The following RFC3 variants were observed in gnomAD, a reference collection of about 807,000 sequenced individuals.
The protein encoded by RFC3 is replication factor C subunit 3.
A neutral mutation model predicts 45.1 loss-of-function variants in RFC3; 41 were observed. The ratio of observed to expected loss-of-function variants is 0.91; its 90% CI spans 0.71 to 1.18. RFC3 has a LOEUF of 1.18. Among genes scored for constraint, RFC3 ranks in the 50% most tolerant of loss-of-function variants. RFC3 has a pLI of 0.00. For synonymous variants in RFC3, 149 were observed against 144.0 expected, an observed-to-expected ratio of 1.03 and a Z score of -0.25; for missense variants, 423 against 428.1, an observed-to-expected ratio of 0.99 and a Z score of 0.10.
intron 4 of RFC3, among the ~76,000 whole-genome samples, chr13:33,828,717 G>A (rs2082074485): frequency 6.6e-6 from 1 of 152,128 alleles, no homozygotes; most frequent in African/African-American, 2.4e-5. Flanking sequence ...GTAGACATGG[G>A]GTTTTGCTAT....
chr13:33,903,853 T>G (rs1438165687), intron 8 of RFC3, among the ~76,000 whole-genome samples: 2 of 152,048 alleles, frequency 1.3e-5, no homozygotes, highest in African/African-American at 4.8e-5. Context: ...CTTCCAAGAC[T>G]GAAACAGAAA....
At chr13:33,906,854 G>A (rs144524495) in intron 8 of RFC3, among the ~76,000 whole-genome samples, 55 of 152,000 alleles carry the variant, frequency 3.6e-4, no homozygotes, top group Non-Finnish European at 7.2e-4. Flanking sequence ...CCAAAGAAGC[G>A]ATTTTGCTCT....
intron 8 of RFC3, among the ~76,000 whole-genome samples, chr13:33,912,704 T>G (rs955873650): frequency 1.3e-5 from 2 of 152,094 alleles, no homozygotes; most frequent in African/African-American, 4.8e-5. Context: ...CTATGAACGC[T>G]GTGGGATCAT....
intron 8 of RFC3, among the ~76,000 whole-genome samples, chr13:33,945,791 G>T (rs2082950747): frequency 6.6e-6 from 1 of 152,168 alleles, no homozygotes. Context: ...TAATGAGATG[G>T]TATATTCTTG....
chr13:33,943,099 A>G (rs2137808357), intron 8 of RFC3, among the ~76,000 whole-genome samples: 1 of 152,324 alleles, frequency 6.6e-6, no homozygotes, highest in South Asian at 2.1e-4. Flanking sequence ...CATGTGAACT[A>G]GTATGTTTAT....
the RFC3 span, among the ~76,000 whole-genome samples, chr13:33,977,032 A>G: frequency 4.3e-3 from 656 of 152,212 alleles, 6 homozygotes; most frequent in African/African-American, 0.015. Flanking sequence ...CACAATACCA[A>G]TGTAATCGTG....
intron 8 of RFC3, among the ~76,000 whole-genome samples, chr13:33,958,325 G>A (rs2083034702): frequency 6.6e-6 from 1 of 152,232 alleles, no homozygotes; most frequent in Non-Finnish European, 1.5e-5. Flanking sequence ...AGGGAGTACA[G>A]CTGTAGCTTT....
At position 33,922,551 on chromosome 13, in the gene RFC3, TC is replaced by T. The variant is rs541359162; in HGVS notation, c.880-43535del. On this transcript the variant is annotated intron_variant, in intron 8 of 8. Transcript: ENST00000434425. The stretch of plus-strand genomic sequence containing the variant: ...ATATTATTAATAAATGTTAAAATGG[TC>T]TTTTTTTGGGCAAACAACAGTTAAT... Among the ~76,000 whole-genome samples the T allele has an allele frequency of 1.1e-3, 174 of 152,252 alleles. 2 individuals carry two copies. In the South Asian group the frequency reaches 0.034, roughly 29 times the overall value.
intron 8 of RFC3, 186 bp downstream of exon 8, chr13:33,835,403 G>GGCCTGCCTAAAGTGAAGTTATAA: frequency 1.4e-6 from 1 of 734,076 alleles, no homozygotes; most frequent in Non-Finnish European, 2.5e-6. Context: ...AAGAAGGGAG[G>GGCCTGCCTAAAGTGAAGTTATAA]GCCTGCCTAA....
chr13:33,914,075 G>A (rs150447349), intron 8 of RFC3, among the ~76,000 whole-genome samples: 5 of 152,118 alleles, frequency 3.3e-5, no homozygotes, highest in Admixed American at 2.0e-4. Context: ...GATTGGAAAT[G>A]ATGATAAAAG....
chr13:33,843,142 G>A (rs909890921), intron 8 of RFC3, among the ~76,000 whole-genome samples: 15 of 149,686 alleles, frequency 1.0e-4, no homozygotes, highest in African/African-American at 3.7e-4. Flanking sequence ...TTGTTCCCAA[G>A]TAAAACATAG....
intron 8 of RFC3, among the ~76,000 whole-genome samples, chr13:33,963,183 T>TATC (rs33940625): frequency 8.6e-4 from 1 of 1,158 alleles, no homozygotes; most frequent in Non-Finnish European, 0.019. Context: ...TAAAATATTA[T>TATC]AAGTAAATTG....
At chr13:33,865,888 T>TGGAGAA (rs2082370288) in intron 8 of RFC3, among the ~76,000 whole-genome samples, 2 of 152,086 alleles carry the variant, frequency 1.3e-5, no homozygotes, top group African/African-American at 4.8e-5. Context: ...ACCCTGTCTC[T>TGGAGAA]ACTAAAAATA....
intron 8 of RFC3, among the ~76,000 whole-genome samples, chr13:33,872,344 T>A (rs1246616439): frequency 6.6e-6 from 1 of 152,224 alleles, no homozygotes; most frequent in Non-Finnish European, 1.5e-5. Flanking sequence ...GGAATTTAAT[T>A]CTTGAGAAAT....
intron 8 of RFC3, among the ~76,000 whole-genome samples, chr13:33,869,856 G>A (rs771801174): frequency 2.0e-5 from 3 of 152,134 alleles, no homozygotes; most frequent in Admixed American, 6.5e-5. Context: ...ATCCTAGAAG[G>A]CCTCCATTGG....
chr13:33,959,148 G>A (rs1225127651), intron 8 of RFC3, among the ~76,000 whole-genome samples: 2 of 152,110 alleles, frequency 1.3e-5, no homozygotes, highest in African/African-American at 4.8e-5. Flanking sequence ...CTGCTTCAGT[G>A]ACTTTATTTA....
intron 8 of RFC3, among the ~76,000 whole-genome samples, chr13:33,862,510 A>G (rs984577160): frequency 6.6e-6 from 1 of 152,186 alleles, no homozygotes; most frequent in African/African-American, 2.4e-5. Context: ...CTACATTAAT[A>G]AGCTGCTTTT....
intron 8 of RFC3, among the ~76,000 whole-genome samples, chr13:33,936,232 T>C (rs1012550640): frequency 1.3e-5 from 2 of 152,034 alleles, no homozygotes; most frequent in African/African-American, 4.8e-5. Context: ...GTAACCCAGG[T>C]GGCAGGTGAG....
intron 8 of RFC3, among the ~76,000 whole-genome samples, chr13:33,867,843 G>T (rs994808665): frequency 6.6e-6 from 1 of 152,112 alleles, no homozygotes; most frequent in African/African-American, 2.4e-5. Context: ...TCTTTACCAC[G>T]TTATGTATAC....
Sources: gnomAD v4.1 joint callset for allele counts (sites outside exome capture counted in the v4.1 genomes callset) on GRCh38, gnomAD v4.1.1 for gene constraint, MANE v1.5 for transcripts, NCBI Gene and HGNC (gene_info 2026-07-23, HGNC 2026-07-21) for gene names.